The following XKR4 variants were observed in gnomAD, a reference collection of about 807,000 sequenced individuals.
The protein encoded by XKR4 is XK-related protein 4.
XKR4 carries 12 observed loss-of-function variants against 53.9 expected under a neutral mutation model. The observed-to-expected ratio is 0.22, with a 90% CI of 0.14 to 0.36. XKR4 has a LOEUF of 0.36. Ranked by LOEUF, XKR4 falls within the 10% of genes least tolerant of loss-of-function variation. The probability of loss-of-function intolerance (pLI) is 1.00; values close to 1 mark genes in which losing one functional copy is unlikely to be tolerated. For missense variants in XKR4, 799 were observed against 859.5 expected (o/e 0.93, Z 0.88); for synonymous variants, 354 against 362.4 (o/e 0.98, Z 0.26).
intron 1 of XKR4, among the ~76,000 whole-genome samples, chr8:55,150,321 G>A (rs1421837280): frequency 2.0e-5 from 3 of 152,192 alleles, no homozygotes; most frequent in African/African-American, 7.2e-5. Flanking sequence ...GTAAAACACA[G>A]CAGATTTATT....
chr8:55,163,853 A>T (rs1487346634), intron 1 of XKR4, among the ~76,000 whole-genome samples: 1 of 152,200 alleles, frequency 6.6e-6, no homozygotes, highest in Non-Finnish European at 1.5e-5. Flanking sequence ...TCAAAAATAA[A>T]TCAATAAATG....
At chr8:55,457,481 C>A (rs1805588286) in intron 2 of XKR4, among the ~76,000 whole-genome samples, 1 of 152,108 alleles carries the variant, frequency 6.6e-6, no homozygotes, top group African/African-American at 2.4e-5. Flanking sequence ...AATTCTGTGT[C>A]CATCAAAACT....
intron 1 of XKR4, among the ~76,000 whole-genome samples, chr8:55,321,653 G>A (rs1437103374): frequency 2.0e-5 from 3 of 152,128 alleles, no homozygotes; most frequent in Admixed American, 2.0e-4. Context: ...TAGATGAAGG[G>A]CATCTAGCAT....
At chr8:55,257,930 C>G (rs1818463750) in intron 1 of XKR4, among the ~76,000 whole-genome samples, 2 of 152,162 alleles carry the variant, frequency 1.3e-5, no homozygotes, top group Non-Finnish European at 1.5e-5. Flanking sequence ...CTTCCTGCCC[C>G]CAGTGGGAAT....
At chr8:55,321,257 C>G (rs1230262151) in intron 1 of XKR4, among the ~76,000 whole-genome samples, 1 of 152,244 alleles carries the variant, frequency 6.6e-6, no homozygotes, top group Non-Finnish European at 1.5e-5. Context: ...GTTCCTCTCT[C>G]TGTTATTAAA....
intron 2 of XKR4, among the ~76,000 whole-genome samples, chr8:55,506,259 G>A (rs1294494210): frequency 6.6e-6 from 1 of 152,222 alleles, no homozygotes; most frequent in Non-Finnish European, 1.5e-5. Context: ...GTAAGGAGAG[G>A]ACTCCTGAAT....
chr8:55,146,928 T>G (rs140499784), intron 1 of XKR4, among the ~76,000 whole-genome samples: 2 of 152,302 alleles, frequency 1.3e-5, no homozygotes, highest in East Asian at 3.9e-4. Flanking sequence ...TCTGGAGAGA[T>G]GCACATAGCA....
intron 2 of XKR4, among the ~76,000 whole-genome samples, chr8:55,390,627 G>C (rs566718103): frequency 6.6e-6 from 1 of 152,284 alleles, no homozygotes; most frequent in African/African-American, 2.4e-5. Context: ...CTCAGTACTG[G>C]GCACTTTGGT....
intron 1 of XKR4, among the ~76,000 whole-genome samples, chr8:55,119,670 A>G (rs537672488): frequency 1.3e-5 from 2 of 152,346 alleles, no homozygotes; most frequent in African/African-American, 4.8e-5. Context: ...AAAGTGGGAA[A>G]GAATCAATTG....
At chr8:55,395,391 A>G (rs1804502704) in intron 2 of XKR4, among the ~76,000 whole-genome samples, 1 of 151,928 alleles carries the variant, frequency 6.6e-6, no homozygotes, top group Non-Finnish European at 1.5e-5. Flanking sequence ...CAGGAAAGGC[A>G]TGACCATGAA....
At chr8:55,155,899 ATATT>A (rs1250092363) in intron 1 of XKR4, among the ~76,000 whole-genome samples, 5 of 152,226 alleles carry the variant, frequency 3.3e-5, no homozygotes, top group African/African-American at 4.8e-5. Flanking sequence ...ATGAAATTCT[ATATT>A]TAGCCAATTT....
chr8:55,273,451 C>A (rs774583459), intron 1 of XKR4, among the ~76,000 whole-genome samples: 2 of 152,112 alleles, frequency 1.3e-5, no homozygotes, highest in African/African-American at 2.4e-5. Flanking sequence ...ACTAGATTGC[C>A]TTTGTAAGAC....
At chr8:55,423,960 A>T (rs1804973454) in intron 2 of XKR4, among the ~76,000 whole-genome samples, 1 of 152,204 alleles carries the variant, frequency 6.6e-6, no homozygotes. Flanking sequence ...GTTTGTGTGG[A>T]TGGGAGCAAA....
At chr8:55,430,610 C>G (rs1195241146) in intron 2 of XKR4, among the ~76,000 whole-genome samples, 1 of 152,176 alleles carries the variant, frequency 6.6e-6, no homozygotes, top group African/African-American at 2.4e-5. Context: ...CTGTGCTATC[C>G]TACTATAGCT....
At chr8:55,507,847 C>A (rs549008266) in intron 2 of XKR4, among the ~76,000 whole-genome samples, 2 of 152,236 alleles carry the variant, frequency 1.3e-5, no homozygotes, top group East Asian at 1.9e-4. Flanking sequence ...GATTTATAAT[C>A]CTTTGGGTAT....
chr8:55,252,632 G>C (rs950812113), intron 1 of XKR4, among the ~76,000 whole-genome samples: 1 of 152,230 alleles, frequency 6.6e-6, no homozygotes, highest in Non-Finnish European at 1.5e-5. Context: ...CTCAGGTTTT[G>C]CTTTGACAGA....
At chr8:55,209,900 C>G (rs1219287063) in intron 1 of XKR4, among the ~76,000 whole-genome samples, 2 of 152,160 alleles carry the variant, frequency 1.3e-5, no homozygotes, top group African/African-American at 2.4e-5. Context: ...ATTTTTTCCT[C>G]TAGACATGAG....
At chr8:55,109,147 C>T (rs184883913) in intron 1 of XKR4, among the ~76,000 whole-genome samples, 43 of 152,238 alleles carry the variant, frequency 2.8e-4, no homozygotes, top group Admixed American at 2.3e-3. Flanking sequence ...AAGATATTTG[C>T]AGATCAACTG....
chr8:55,326,107 G>T lies in XKR4; in HGVS notation c.807-31571G>T, dbSNP rs1400392708. On this transcript the variant is annotated intron_variant, in intron 1 of 2. Transcript: ENST00000327381. ...CAGAGGCACTGAGGACTTCTGAATT[G>T]CGAATGACCTGATAATGAGGGGTAT... Among the ~76,000 whole-genome samples the T allele has an allele frequency of 3.3e-5, 5 of 152,184 alleles. No homozygotes were observed. The East Asian group carries it at 9.6e-4, about 29-fold the overall frequency.
Sources: gnomAD v4.1 joint callset for allele counts (sites outside exome capture counted in the v4.1 genomes callset) on GRCh38, gnomAD v4.1.1 for gene constraint, MANE v1.5 for transcripts, NCBI Gene and HGNC (gene_info 2026-07-23, HGNC 2026-07-21) for gene names.